Variants in CMIP observed in about 807,000 individuals in gnomAD.
CMIP encodes c-Maf inducing protein.
Under a neutral mutation model 97.3 loss-of-function variants are expected in CMIP, and 13 were observed. The ratio of observed to expected loss-of-function variants is 0.13; its 90% CI spans 0.09 to 0.21. The LOEUF (loss-of-function observed/expected upper bound fraction) is 0.21, where lower values mean the gene tolerates loss of function less well. Ranked by LOEUF, CMIP falls within the 10% of genes least tolerant of loss-of-function variation. The pLI is 1.00. For synonymous variants in CMIP, 538 were observed against 436.3 expected, an observed-to-expected ratio of 1.23 and a Z score of -2.91; for missense variants, 847 against 1,024.9, an observed-to-expected ratio of 0.83 and a Z score of 2.37.
chr16:81,461,193 C>T (rs1241508407), intron 1 of CMIP, among the ~76,000 whole-genome samples: 1 of 152,190 alleles, frequency 6.6e-6, no homozygotes, highest in East Asian at 1.9e-4. Flanking sequence ...TCCCATGTGG[C>T]AGGGCTGTGT....
intron 1 of CMIP, among the ~76,000 whole-genome samples, chr16:81,507,898 G>C (rs1191922402): frequency 6.6e-6 from 1 of 152,220 alleles, no homozygotes; most frequent in Non-Finnish European, 1.5e-5. Flanking sequence ...ATTGCTGCCT[G>C]GGACACTGGC....
chr16:81,657,757 C>G lies in CMIP; in HGVS notation c.640-18C>G. On this transcript the variant is annotated intron_variant, in intron 4 of 20. Coordinates refer to ENST00000537098, the MANE Select transcript of CMIP (RefSeq NM_198390.3). ...TTTTGTTTTGTTTTCCTCCTGCTGT[C>G]TCCATTCAATCCTTTAGAACACAAA... The G allele has an allele frequency of 6.3e-7, 1 of 1,591,268 alleles. No individual in the cohort carries two copies. Among genetic ancestry groups the G allele is most frequent in the Non-Finnish European group, 8.6e-7 (1 of 1,169,404 alleles).
intron 1 of CMIP, among the ~76,000 whole-genome samples, chr16:81,544,510 C>G (rs2090507875): frequency 6.6e-6 from 1 of 150,666 alleles, no homozygotes; most frequent in Admixed American, 6.6e-5. Context: ...GCTGACCTTC[C>G]CGGCCTCTGT....
At chr16:81,514,703 G>T (rs1481694295) in intron 1 of CMIP, among the ~76,000 whole-genome samples, 2 of 152,274 alleles carry the variant, frequency 1.3e-5, no homozygotes, top group East Asian at 1.9e-4. Context: ...GTCCCCGTGG[G>T]TTTGTTTCCA....
At chr16:81,703,514 T>A (rs1460997176) in intron 17 of CMIP, among the ~76,000 whole-genome samples, 1 of 150,968 alleles carries the variant, frequency 6.6e-6, no homozygotes, top group Non-Finnish European at 1.5e-5. Context: ...CACACAAATA[T>A]ACACAGACGT....
At chr16:81,699,901 G>C in intron 15 of CMIP, 100 bp downstream of exon 15, 2 of 756,054 alleles carry the variant, frequency 2.6e-6, no homozygotes, top group South Asian at 1.6e-5. Context: ...CTGCAGGCAC[G>C]GGGGGCAGTG....
intron 3 of CMIP, among the ~76,000 whole-genome samples, chr16:81,626,277 G>A (rs931251518): frequency 4.6e-5 from 7 of 152,110 alleles, no homozygotes; most frequent in Non-Finnish European, 1.0e-4. Context: ...GTGACTGAGT[G>A]TGACTGTGTG....
chr16:81,489,948 A>G (rs889254125), intron 1 of CMIP, among the ~76,000 whole-genome samples: 2 of 152,112 alleles, frequency 1.3e-5, no homozygotes, highest in African/African-American at 4.8e-5. Flanking sequence ...ACAGTTTTTT[A>G]TGTGTTTCCG....
intron 3 of CMIP, among the ~76,000 whole-genome samples, chr16:81,651,597 T>C (rs1287972756): frequency 6.6e-6 from 1 of 152,236 alleles, no homozygotes; most frequent in Non-Finnish European, 1.5e-5. Context: ...CTCTTGGGAT[T>C]GACATAGGCG....
At chr16:81,693,086 T>A (rs1027858407) in intron 11 of CMIP, 72 bp from the exon 12 acceptor site, 2 of 1,141,132 alleles carry the variant, frequency 1.8e-6, no homozygotes. Flanking sequence ...TCCCCAGAGG[T>A]TAATCTTGGG....
intron 1 of CMIP, among the ~76,000 whole-genome samples, chr16:81,555,348 C>T (rs2090740662): frequency 1.3e-5 from 2 of 152,058 alleles, no homozygotes; most frequent in Admixed American, 1.3e-4. Context: ...TGTGGGAGTC[C>T]CCAAGTGACA....
At chr16:81,596,074 C>T (rs1022663678) in intron 1 of CMIP, among the ~76,000 whole-genome samples, 1 of 152,070 alleles carries the variant, frequency 6.6e-6, no homozygotes, top group Non-Finnish European at 1.5e-5. Flanking sequence ...TTTGGTTTTT[C>T]TCTATCCATC....
At chr16:81,688,877 C>G (rs1248913800) in intron 10 of CMIP, among the ~76,000 whole-genome samples, 3 of 152,210 alleles carry the variant, frequency 2.0e-5, no homozygotes, top group Non-Finnish European at 4.4e-5. Flanking sequence ...TCTCATTTTT[C>G]AGTTCCCACC....
Position 81,678,641 on chromosome 16 carries a change from C to CCT in CMIP, c.1388+14_1388+15insTC, listed in dbSNP as rs756077297. 47 of 1,318,112 alleles carry CCT rather than the reference C, an allele frequency of 3.6e-5. No individual in the cohort carries two copies. Among genetic ancestry groups the CCT allele is most frequent in the Non-Finnish European group, 4.7e-5 (44 of 931,948 alleles). 81.7% of individuals were successfully genotyped at this position (1,318,112 alleles called of 1,614,324 possible). A position where few individuals can be genotyped will look rare whatever the true frequency, so the allele number is the denominator to read the frequency against. On this transcript the variant is annotated intron_variant, in intron 10 of 20. Transcript: ENST00000537098. Reference sequence around the variant, plus strand: ...TCCTCAAGCTGCTGTGAGTGCCCCCCCCGCGTGCCCGCCCCCGGGGCCGGT... The same window carrying CCT: ...TCCTCAAGCTGCTGTGAGTGCCCCCCCTCCGCGTGCCCGCCCCCGGGGCCGGT...
intron 1 of CMIP, among the ~76,000 whole-genome samples, chr16:81,553,360 A>C (rs1240544889): frequency 1.3e-5 from 2 of 152,198 alleles, no homozygotes; most frequent in Non-Finnish European, 2.9e-5. Flanking sequence ...CCGTATTTGC[A>C]AAAGCAACAA....
intron 1 of CMIP, chr16:81,464,395 GC>G (rs35620651): frequency 1.3e-5 from 2 of 152,224 alleles, no homozygotes; most frequent in Non-Finnish European, 2.9e-5. Flanking sequence ...TAGAGAGACT[GC>G]CCCAGTCGCT....
chr16:81,676,292 T>C (rs1003742350), intron 9 of CMIP, among the ~76,000 whole-genome samples: 3 of 151,928 alleles, frequency 2.0e-5, no homozygotes, highest in Non-Finnish European at 4.4e-5. Flanking sequence ...ACACGTTTCG[T>C]GGGCTCAGGT....
intron 2 of CMIP, chr16:81,610,536 C>T (rs1353665187): frequency 1.0e-6 from 1 of 985,534 alleles, no homozygotes; most frequent in Non-Finnish European, 1.2e-6. Context: ...CCAAGGGGAA[C>T]CCAGGTGGGT....
intron 1 of CMIP, among the ~76,000 whole-genome samples, chr16:81,502,493 A>G (rs767054511): frequency 6.6e-6 from 1 of 152,134 alleles, no homozygotes; most frequent in Non-Finnish European, 1.5e-5. Context: ...TACCCGCAGA[A>G]CGGAGATGTC....
Sources: allele counts gnomAD v4.1 joint callset (sites outside exome capture counted in the v4.1 genomes callset), GRCh38; gene constraint gnomAD v4.1.1; transcripts MANE v1.5; gene names NCBI Gene and HGNC (gene_info 2026-07-23, HGNC 2026-07-21).